ADAMTSL4: variants seen among roughly 807,000 people sequenced by gnomAD.
ADAMTSL4 encodes the protein ADAMTS like 4, also known as ADAMTS-like protein 4.
ADAMTSL4 carries 97 observed loss-of-function variants against 122.8 expected under a neutral mutation model. The ratio of observed to expected loss-of-function variants is 0.79; its 90% CI spans 0.67 to 0.93. ADAMTSL4 has a LOEUF of 0.93. Among genes scored for constraint, ADAMTSL4 ranks in the 40% least tolerant of loss-of-function variants. ADAMTSL4 has a pLI of 0.00. For missense variants in ADAMTSL4, 1,408 were observed against 1,453.5 expected (o/e 0.97, Z 0.51); for synonymous variants, 592 against 568.0 (o/e 1.04, Z -0.60).
intron 8 of ADAMTSL4, 198 bp from the exon 9 acceptor site, chr1:150,555,964 G>A (rs1331142626): frequency 3.1e-6 from 2 of 646,160 alleles, no homozygotes; most frequent in East Asian, 5.5e-5. Flanking sequence ...CTGCCAAGCT[G>A]CGCTGAGCAG....
Position 150,559,300 on chromosome 1 carries a change from G to T in ADAMTSL4, c.2777G>T (p.Cys926Phe). The change falls in exon 17 of 19, where the codon TGT becomes TTT. Residue 926 changes from cysteine to phenylalanine, a missense_variant. By Grantham distance (205) the Cys-to-Phe change is radical. Coordinates refer to ENST00000271643, the MANE Select transcript of ADAMTSL4 (RefSeq NM_019032.6). This position sits in a 1 kb window ranked among gnomAD's most constrained non-coding sequence, Gnocchi z 4.1. The stretch of plus-strand genomic sequence containing the variant: ...CCCCTACACTAGTGCTCCTCCGAAT[G>T]TGGCTCTGGCACACAGCGTAGAGAC... ...TGPWGECSSE[C>F]GSGTQRRDII... The T allele has an allele frequency of 6.2e-7, 1 of 1,614,008 alleles. No homozygotes were observed. The highest frequency in any genetic ancestry group is 8.5e-7 in the Non-Finnish European group (1 of 1,179,980).
At chr1:150,557,763 C>T (rs766242647) in intron 13 of ADAMTSL4, 140 bp downstream of exon 13, 100 of 1,330,518 alleles carry the variant, frequency 7.5e-5, no homozygotes, top group African/African-American at 1.6e-4. Flanking sequence ...GGCAGACATT[C>T]GGTAGGCAGC....
In ADAMTSL4 at chr1:150,553,592, GC is replaced by G. The variant is rs760108906; in HGVS notation, c.602del (p.Ala201GlufsTer31). The G allele has an allele frequency of 1.2e-6, 2 of 1,613,752 alleles. No individual in the cohort carries two copies. Among genetic ancestry groups the G allele is most frequent in the Admixed American group, 3.3e-5 (2 of 59,980 alleles). ...GGCTATTCCGTCCCCTACTCCAAGAGCAGAGCCATTCTCCGCAAACGGCAGC... is the reference window on the plus strand; with the variant it reads ...GGCTATTCCGTCCCCTACTCCAAGAGAGAGCCATTCTCCGCAAACGGCAGC... ...EEAIPSPTPR[A>X]EPFSANGSPQ... On this transcript the variant is annotated frameshift_variant, in exon 6 of 19. Coordinates refer to ENST00000271643, the MANE Select transcript of ADAMTSL4 (RefSeq NM_019032.6). LOFTEE classifies it high-confidence loss of function.
At position 150,553,038 on chromosome 1, in the gene ADAMTSL4, C is replaced by T. The variant is rs1212152911; in HGVS notation, c.219C>T (p.Leu73=). 6.2e-7 allele frequency: 1 copy of T among 1,613,374 alleles called. No individual in the cohort carries two copies. Among genetic ancestry groups the T allele is most frequent in the Non-Finnish European group, 8.5e-7 (1 of 1,179,894 alleles). Reference sequence around the variant, plus strand: ...AGCGCAGGAGCCGGACATGTCAGCTCCCTACAGTGCAGCTCCACCCGAGTC... The same window carrying T: ...AGCGCAGGAGCCGGACATGTCAGCTTCCTACAGTGCAGCTCCACCCGAGTC... The part of the protein sequence containing the change: ...GVQRRSRTCQ[L]PTVQLHPSLP... The change falls in exon 5 of 19, where the codon CTC becomes CTT. Residue 73 remains leucine, a synonymous_variant. Transcript: ENST00000271643.
At position 150,556,750 on chromosome 1, in the gene ADAMTSL4, GTC is replaced by G; in HGVS notation, c.1708_1709del (p.Leu570ValfsTer3). 6.2e-7 allele frequency: 1 copy of G among 1,613,646 alleles called. No individual in the cohort carries two copies. Among genetic ancestry groups the G allele is most frequent in the South Asian group, 1.1e-5 (1 of 91,072 alleles). On this transcript the variant is annotated frameshift_variant, in exon 10 of 19. Coordinates refer to ENST00000271643, the MANE Select transcript of ADAMTSL4 (RefSeq NM_019032.6). LOFTEE classifies it high-confidence loss of function. This position sits in a 1 kb window ranked among gnomAD's most constrained non-coding sequence, Gnocchi z 4.1. Reference sequence around the variant, plus strand: ...CCCAGGGAGGAGGGCAAAGGGGAGAGTCTGTCGGCTGAAGGCCCCACCACCCA... The same window carrying G: ...CCCAGGGAGGAGGGCAAAGGGGAGAGTGTCGGCTGAAGGCCCCACCACCCA...
Position 150,555,533 on chromosome 1 carries a change from G to A in ADAMTSL4, c.1339G>A (p.Ala447Thr). The change falls in exon 8 of 19, where the codon GCC becomes ACC. Residue 447 changes from alanine (A) to threonine (T), a missense_variant. Ala to Thr is a moderately conservative substitution (Grantham distance 58). Coordinates refer to ENST00000271643, the MANE Select transcript of ADAMTSL4 (RefSeq NM_019032.6). Reference protein sequence around the residue: ...VQDGTLCQPGAPDICVAGRCL... With the variant: ...VQDGTLCQPGTPDICVAGRCL... ...GGATGGGACCCTGTGTCAGCCTGGA[G>A]CCCCTGACATCTGTGTGGCTGGACG... 1 of 1,614,128 alleles carries A rather than the reference G, an allele frequency of 6.2e-7. No homozygotes were observed. Among genetic ancestry groups the A allele is most frequent in the Non-Finnish European group, 8.5e-7 (1 of 1,180,026 alleles).
Position 150,555,449 on chromosome 1 carries a change from G to T in ADAMTSL4, c.1255G>T (p.Glu419Ter), listed in dbSNP as rs1671925165. 1.9e-6 allele frequency: 3 copies of T among 1,614,174 alleles called. No homozygotes were observed. In the East Asian group the frequency reaches 6.7e-5, roughly 36 times the overall value. Residue 419 changes from glutamate (E) to a stop codon, truncating the protein, a stop_gained, in exon 8 of 19, where the codon GAA becomes TAA. Coordinates refer to ENST00000271643, the MANE Select transcript of ADAMTSL4 (RefSeq NM_019032.6). LOFTEE classifies it high-confidence loss of function. ...FTEVQGSQRC[E>*]LNCRPRGFRF... The stretch of plus-strand genomic sequence containing the variant: ...CTTAGTCCAGGGCTCCCAGCGCTGT[G>T]AACTGAACTGCCGGCCCCGTGGCTT...
Position 150,558,529 on chromosome 1 carries a change from C to CA in ADAMTSL4, c.2441dup (p.Asn814LysfsTer3), listed in dbSNP as rs773569215. The CA allele has an allele frequency of 2.5e-6, 4 of 1,613,772 alleles. No homozygotes were observed. In the African/African-American group the frequency reaches 5.3e-5, roughly 22 times the overall value. ...GCCGGCAGGTTCGCTGTGTTGGGAACAATGGTGATGAAGTGAGCGAGCAGG... is the reference window on the plus strand; with the variant it reads ...GCCGGCAGGTTCGCTGTGTTGGGAACAAATGGTGATGAAGTGAGCGAGCAGG... On this transcript the variant is annotated frameshift_variant, in exon 15 of 19. Transcript: ENST00000271643. LOFTEE classifies it high-confidence loss of function.
chr1:150,554,847 C>T lies in ADAMTSL4; in HGVS notation c.1234+380C>T. 1.7e-6 allele frequency: 1 copy of T among 603,152 alleles called. No homozygotes were observed. Among genetic ancestry groups the T allele is most frequent in the Non-Finnish European group, 2.9e-6 (1 of 342,870 alleles). The allele number at this position is 603,152 out of a possible 1,614,324, so 37.4% of individuals were successfully genotyped here. A position where few individuals can be genotyped will look rare whatever the true frequency, so the allele number is the denominator to read the frequency against. On this transcript the variant is annotated intron_variant, in intron 7 of 18. Coordinates refer to ENST00000271643, the MANE Select transcript of ADAMTSL4 (RefSeq NM_019032.6). The surrounding 1 kb of genome is among the most constrained non-coding windows in gnomAD (Gnocchi z 4.0). Reference sequence around the variant, plus strand: ...TCGGTTGCTCCCAGGTTACCATCCGCTTCATTTTAGGCCTGTGTTAACTTG... The same window carrying T: ...TCGGTTGCTCCCAGGTTACCATCCGTTTCATTTTAGGCCTGTGTTAACTTG...
rs117343055 is a variant in ADAMTSL4 at position 150,558,517 on chromosome 1, C to T, written c.2427C>T (p.Arg809=). The change falls in exon 15 of 19, where the codon CGC becomes CGT. Residue 809 remains arginine (R), a synonymous_variant. Coordinates refer to ENST00000271643, the MANE Select transcript of ADAMTSL4 (RefSeq NM_019032.6). ...GGGGCCAGAGAAGCCGGCAGGTTCG[C>T]TGTGTTGGGAACAATGGTGATGAAG... ...CGRGQRSRQV[R]CVGNNGDEVS... The T allele has an allele frequency of 2.2e-3, 3,557 of 1,613,820 alleles. 130 individuals are homozygous for T. In the East Asian group the frequency reaches 0.07, roughly 32 times the overall value.
chr1:150,555,733 G>A (rs28464655), intron 8 of ADAMTSL4, among the ~76,000 whole-genome samples, 168 bp downstream of exon 8: 74 of 150,262 alleles, frequency 4.9e-4, no homozygotes, highest in East Asian at 5.8e-4. Flanking sequence ...ACACACACAC[G>A]CACACACACG....
rs773975300 is a variant in ADAMTSL4 at position 150,558,970 on chromosome 1, C to T, written c.2568C>T (p.Ala856=). ...GCTCTCCTCCTCCGCAGTGCTCAGC[C>T]GAGTGTGGGACGGGAATCCAGCGGC... ...FHSDWSSKCS[A]ECGTGIQRRS... Residue 856 remains alanine (A), a synonymous_variant, in exon 16 of 19, where the codon GCC becomes GCT. Transcript: ENST00000271643. 8.1e-6 allele frequency: 13 copies of T among 1,608,232 alleles called. No homozygotes were observed. Among genetic ancestry groups the T allele is most frequent in the Non-Finnish European group, 1.1e-5 (13 of 1,178,662 alleles).
At position 150,553,410 on chromosome 1, in the gene ADAMTSL4, T is replaced by A; in HGVS notation, c.435-16T>A. On this transcript the variant is annotated splice_polypyrimidine_tract_variant and intron_variant, in intron 5 of 18. Transcript: ENST00000271643. The stretch of plus-strand genomic sequence containing the variant: ...GTGGTCAGAGCTGTGCCCCCACATC[T>A]GAAACACCTTCTCAGGTCCCGGCTT... 1 of 1,613,542 alleles carries A rather than the reference T, an allele frequency of 6.2e-7. No homozygotes were observed. Among genetic ancestry groups the A allele is most frequent in the Non-Finnish European group, 8.5e-7 (1 of 1,179,760 alleles).
Position 150,554,552 on chromosome 1 carries a change from T to A in ADAMTSL4, c.1234+85T>A. The A allele has an allele frequency of 6.3e-7, 1 of 1,580,550 alleles. No homozygotes were observed. The highest frequency in any genetic ancestry group is 8.6e-7 in the Non-Finnish European group (1 of 1,163,036). ...GGAGATACCTGCTTACTCCCAGCCC[T>A]GAATGACTTCCAGCCCCTCTGCTTC... On this transcript the variant is annotated intron_variant, in intron 7 of 18. Coordinates refer to ENST00000271643, the MANE Select transcript of ADAMTSL4 (RefSeq NM_019032.6). This position sits in a 1 kb window ranked among gnomAD's most constrained non-coding sequence, Gnocchi z 4.0.
Position 150,556,106 on chromosome 1 carries a change from G to A in ADAMTSL4, c.1372-56G>A, listed in dbSNP as rs1672078567. On this transcript the variant is annotated intron_variant, in intron 8 of 18. Coordinates refer to ENST00000271643, the MANE Select transcript of ADAMTSL4 (RefSeq NM_019032.6). This position sits in a 1 kb window ranked among gnomAD's most constrained non-coding sequence, Gnocchi z 4.1. Reference sequence around the variant, plus strand: ...CTGAGGCTCCCGAGGGGACCGGGGTGGGGTTGAGGTGGTGTCTGGCGTTCT... The same window carrying A: ...CTGAGGCTCCCGAGGGGACCGGGGTAGGGTTGAGGTGGTGTCTGGCGTTCT... The A allele has an allele frequency of 6.3e-7, 1 of 1,593,450 alleles. No individual in the cohort carries two copies. Among genetic ancestry groups the A allele is most frequent in the Non-Finnish European group, 8.6e-7 (1 of 1,164,372 alleles).
chr1:150,551,270 A>C, intron 2 of ADAMTSL4: 1 of 337,752 alleles, frequency 3.0e-6, no homozygotes, highest in Non-Finnish European at 5.9e-6. Flanking sequence ...CACTGAACCA[A>C]CTCCAGATGC....
Position 150,556,692 on chromosome 1 carries a change from GCCGGCGGGA to G in ADAMTSL4, c.1652_1660del (p.Gly551_Thr553del). ...TGTGGATCCCCCTGGGTCCTACAGG[GCCGGCGGGA>G]CCGTCTTTCGATATAACCGTCCTCC... On this transcript the variant is annotated inframe_deletion, in exon 10 of 19. Coordinates refer to ENST00000271643, the MANE Select transcript of ADAMTSL4 (RefSeq NM_019032.6). This position sits in a 1 kb window ranked among gnomAD's most constrained non-coding sequence, Gnocchi z 4.1. 6.2e-7 allele frequency: 1 copy of G among 1,614,056 alleles called. No individual in the cohort carries two copies. Among genetic ancestry groups the G allele is most frequent in the Admixed American group, 1.7e-5 (1 of 60,020 alleles).
rs1299156897 is a variant in ADAMTSL4 at position 150,552,226 on chromosome 1, T to C, written c.-63T>C. On this transcript the variant is annotated 5_prime_UTR_variant, in exon 3 of 19. The change abolishes an upstream ATG in the 5' untranslated region. Coordinates refer to ENST00000271643, the MANE Select transcript of ADAMTSL4 (RefSeq NM_019032.6). This position sits in a 1 kb window ranked among gnomAD's most constrained non-coding sequence, Gnocchi z 4.0. ...GCAGAGAGCACCCTCCACGCCCAGA[T>C]GCCTGCGTAGTTTTTGTGACCAGTC... The C allele has an allele frequency of 1.3e-6, 2 of 1,522,878 alleles. No homozygotes were observed. The highest frequency in any genetic ancestry group is 1.2e-5 in the South Asian group (1 of 83,074). 94.3% of individuals were successfully genotyped at this position (1,522,878 alleles called of 1,614,324 possible). A position where few individuals can be genotyped will look rare whatever the true frequency, so the allele number is the denominator to read the frequency against.
chr1:150,560,168 T>C lies in ADAMTSL4; in HGVS notation c.3197T>C (p.Leu1066Pro). The change falls in exon 19 of 19, where the codon CTG (leucine) becomes CCG (proline). Residue 1066 changes from leucine to proline, a missense_variant. Coordinates refer to ENST00000271643, the MANE Select transcript of ADAMTSL4 (RefSeq NM_019032.6). Reference sequence around the variant, plus strand: ...TGTTGCCGCTCTTGCGCACATGTCCTGGAGCGGTCTCCCCAGGATCCCTCC... The same window carrying C: ...TGTTGCCGCTCTTGCGCACATGTCCCGGAGCGGTCTCCCCAGGATCCCTCC... ...ATCCRSCAHV[L>P]ERSPQDPS is the part of the protein sequence containing the mutation. The C allele has an allele frequency of 6.2e-7, 1 of 1,614,090 alleles. No homozygotes were observed. Among genetic ancestry groups the C allele is most frequent in the Non-Finnish European group, 8.5e-7 (1 of 1,180,008 alleles).
Sources: allele counts gnomAD v4.1 joint callset (sites outside exome capture counted in the v4.1 genomes callset), GRCh38; gene constraint gnomAD v4.1.1; non-coding constraint Gnocchi (gnomAD v3.1); transcripts MANE v1.5; gene names NCBI Gene and HGNC (gene_info 2026-07-23, HGNC 2026-07-21).